SPATA6: variants seen among roughly 807,000 people sequenced by gnomAD.
The protein encoded by SPATA6 is spermatogenesis associated 6.
Under a neutral mutation model 65.3 loss-of-function variants are expected in SPATA6, and 56 were observed. The ratio of observed to expected loss-of-function variants is 0.86; its 90% CI spans 0.69 to 1.07. The LOEUF is 1.07. Ranked by LOEUF, SPATA6 falls within the 50% of genes least tolerant of loss-of-function variation. The pLI is 0.00. For synonymous variants in SPATA6, 199 were observed against 213.2 expected, an observed-to-expected ratio of 0.93 and a Z score of 0.58; for missense variants, 590 against 594.8, an observed-to-expected ratio of 0.99 and a Z score of 0.08.
intron 3 of SPATA6, among the ~76,000 whole-genome samples, chr1:48,435,121 A>G (rs1654778405): frequency 6.6e-6 from 1 of 152,156 alleles, no homozygotes; most frequent in African/African-American, 2.4e-5. Flanking sequence ...AAGTTCTATA[A>G]TAATACTAAT....
the SPATA6 span, among the ~76,000 whole-genome samples, chr1:48,275,124 G>T: frequency 1.3e-5 from 2 of 152,154 alleles, no homozygotes; most frequent in African/African-American, 4.8e-5. Flanking sequence ...GTTCACTCAT[G>T]ATTTGGCTCT....
chr1:48,422,388 A>T (rs1653431009), intron 3 of SPATA6, among the ~76,000 whole-genome samples: 1 of 152,188 alleles, frequency 6.6e-6, no homozygotes, highest in African/African-American at 2.4e-5. Flanking sequence ...GAGAAATGAA[A>T]GACTGGAAAA....
intron 11 of SPATA6, among the ~76,000 whole-genome samples, chr1:48,350,075 T>G (rs971656325): frequency 5.9e-5 from 9 of 151,850 alleles, no homozygotes; most frequent in Non-Finnish European, 1.0e-4. Flanking sequence ...CCCACCAGCA[T>G]GAAATGGGAG....
At chr1:48,470,393 T>C (rs144593066) in intron 1 of SPATA6, among the ~76,000 whole-genome samples, 158 of 152,346 alleles carry the variant, frequency 1.0e-3, no homozygotes, top group African/African-American at 3.7e-3. Flanking sequence ...ACTTGTGTCC[T>C]GGGCCAAGGG....
chr1:48,375,776 A>T (rs1647820275), intron 9 of SPATA6, among the ~76,000 whole-genome samples: 1 of 152,166 alleles, frequency 6.6e-6, no homozygotes, highest in African/African-American at 2.4e-5. Context: ...TATACATACT[A>T]GAACTTTAAA....
In SPATA6 at chr1:48,436,655, A is replaced by T. The variant is rs1160376348; in HGVS notation, c.238+14897T>A. 4.0e-5 allele frequency: 64 copies of T among 1,614,098 alleles called. 1 individual carries two copies. The Admixed American group carries it at 1.0e-3, about 26-fold the overall frequency. Reference sequence around the variant, plus strand: ...TTCCCACAGTTCAGCACATCAGTGCAGCCGTGGCTGAGTCCAGAACTACTG... The same window carrying T: ...TTCCCACAGTTCAGCACATCAGTGCTGCCGTGGCTGAGTCCAGAACTACTG... On this transcript the variant is annotated intron_variant, in intron 3 of 12. Transcript: ENST00000371847.
intron 4 of SPATA6, among the ~76,000 whole-genome samples, chr1:48,412,635 T>C (rs1269637738): frequency 6.6e-6 from 1 of 152,216 alleles, no homozygotes. Context: ...GATTTTTTTT[T>C]TGAGACGGAG....
At chr1:48,463,825 A>G (rs1478657142) in intron 1 of SPATA6, among the ~76,000 whole-genome samples, 1 of 152,168 alleles carries the variant, frequency 6.6e-6, no homozygotes, top group Non-Finnish European at 1.5e-5. Context: ...CTCTACAAAT[A>G]CAAATAAAAG....
chr1:48,385,177 G>A (rs1020759327), intron 9 of SPATA6, 132 bp downstream of exon 9: 1 of 786,718 alleles, frequency 1.3e-6, no homozygotes, highest in African/African-American at 1.8e-5. Flanking sequence ...AACATTATAT[G>A]ACAATTATTG....
rs528027452 is a variant in SPATA6, at chr1:48,318,055, G to A, written c.1195-12177C>T. 3.3e-5 allele frequency among the ~76,000 whole-genome samples: 5 copies of A among 152,262 alleles called. No individual in the cohort carries two copies. The East Asian group carries it at 5.8e-4, about 18-fold the overall frequency. On this transcript the variant is annotated intron_variant, in intron 11 of 12. Coordinates refer to ENST00000371847, the MANE Select transcript of SPATA6 (RefSeq NM_019073.4). ...TAACAGAATAAAGGACAAAATGATA[G>A]GATCATCTCAATAGATGCAGGGAAA...
intron 11 of SPATA6, among the ~76,000 whole-genome samples, chr1:48,310,802 G>A (rs570705798): frequency 2.0e-3 from 298 of 152,208 alleles, no homozygotes; most frequent in Middle Eastern, 0.01. Flanking sequence ...AAGTGCATAT[G>A]AAAAATTCTT....
At chr1:48,342,783 T>A (rs1184564214) in intron 11 of SPATA6, among the ~76,000 whole-genome samples, 1 of 152,154 alleles carries the variant, frequency 6.6e-6, no homozygotes, top group African/African-American at 2.4e-5. Flanking sequence ...CTGGATGCTG[T>A]TCACACATGG....
chr1:48,277,909 C>G, the SPATA6 span, among the ~76,000 whole-genome samples: 1 of 152,236 alleles, frequency 6.6e-6, no homozygotes, highest in Non-Finnish European at 1.5e-5. Context: ...GACCAATGAG[C>G]AGCCTAACTG....
At chr1:48,469,848 T>A (rs1658102547) in intron 1 of SPATA6, among the ~76,000 whole-genome samples, 1 of 152,054 alleles carries the variant, frequency 6.6e-6, no homozygotes, top group Non-Finnish European at 1.5e-5. Flanking sequence ...TTGCTCCTTC[T>A]GAGCATCAGA....
intron 9 of SPATA6, among the ~76,000 whole-genome samples, chr1:48,362,987 TTAAA>T (rs886816331): frequency 1.3e-5 from 2 of 152,078 alleles, no homozygotes; most frequent in African/African-American, 2.4e-5. Flanking sequence ...ATCACGGGTG[TTAAA>T]TAAACAGGAG....
At chr1:48,336,189 A>G (rs1646054432) in intron 11 of SPATA6, among the ~76,000 whole-genome samples, 1 of 152,106 alleles carries the variant, frequency 6.6e-6, no homozygotes, top group Non-Finnish European at 1.5e-5. Context: ...GCTGGAGTGT[A>G]AATTAGTTCA....
rs1644851584 is a variant in SPATA6 at position 48,298,363 on chromosome 1, AT to A, written c.*349del. ...AACCAGTTAAGTAGATGAGAAGAAAATTGCAAGGTGAGTAAGGCAAAAAAAA... is the reference window on the plus strand; with the variant it reads ...AACCAGTTAAGTAGATGAGAAGAAAATGCAAGGTGAGTAAGGCAAAAAAAA... On this transcript the variant is annotated 3_prime_UTR_variant, in exon 13 of 13. Transcript: ENST00000371847. 1 of 161,310 alleles carries A rather than the reference AT, an allele frequency of 6.2e-6. No homozygotes were observed. Among genetic ancestry groups the A allele is most frequent in the Admixed American group, 6.4e-5 (1 of 15,526 alleles). 10.0% of individuals were successfully genotyped at this position (161,310 alleles called of 1,614,324 possible).
intron 11 of SPATA6, among the ~76,000 whole-genome samples, chr1:48,322,902 A>T (rs1398240702): frequency 6.6e-6 from 1 of 152,234 alleles, no homozygotes; most frequent in African/African-American, 2.4e-5. Context: ...AATGGCGATC[A>T]TTAAAAAGTC....
chr1:48,274,682 C>G, the SPATA6 span, among the ~76,000 whole-genome samples: 2 of 152,094 alleles, frequency 1.3e-5, no homozygotes, highest in Admixed American at 1.3e-4. Context: ...GGCCTCTGTT[C>G]TGTTCCATTG....
Sources: gnomAD v4.1 joint callset for allele counts (sites outside exome capture counted in the v4.1 genomes callset) on GRCh38, gnomAD v4.1.1 for gene constraint, MANE v1.5 for transcripts, NCBI Gene and HGNC (gene_info 2026-07-23, HGNC 2026-07-21) for gene names.